MDGA2: variants seen among roughly 807,000 people sequenced by gnomAD.
The protein encoded by MDGA2 is MAM domain containing glycosylphosphatidylinositol anchor 2.
MDGA2 carries 40 observed loss-of-function variants against 117.8 expected under a neutral mutation model. That is an observed-to-expected ratio of 0.34 (90% CI 0.26 to 0.44). The LOEUF is 0.44. Ranked by LOEUF, MDGA2 falls within the 20% of genes least tolerant of loss-of-function variation. MDGA2 has a pLI of 1.00. For synonymous variants in MDGA2, 452 were observed against 439.0 expected, an observed-to-expected ratio of 1.03 and a Z score of -0.37; for missense variants, 1,123 against 1,250.6, an observed-to-expected ratio of 0.90 and a Z score of 1.54.
rs766859351 is a variant in MDGA2, at chr14:46,956,370, G to A, written c.2089+1004C>T. Among the ~76,000 whole-genome samples the A allele has an allele frequency of 7.2e-5, 11 of 151,900 alleles. No individual in the cohort carries two copies. In the East Asian group the frequency reaches 7.7e-4, roughly 11 times the overall value. ...ACAGTATATAGATTATAAAAATAAC[G>A]TAAATAATTACATAAGACATAATAC... is the stretch of plus-strand genomic sequence containing the variant. On this transcript the variant is annotated intron_variant, in intron 9 of 16. Coordinates refer to ENST00000399232, the MANE Select transcript of MDGA2 (RefSeq NM_001113498.3).
At chr14:47,196,275 A>T (rs1488148489) in intron 3 of MDGA2, among the ~76,000 whole-genome samples, 2 of 152,202 alleles carry the variant, frequency 1.3e-5, no homozygotes, top group Non-Finnish European at 1.5e-5. Context: ...AACATATTAT[A>T]GGAGAGTATA....
intron 8 of MDGA2, among the ~76,000 whole-genome samples, chr14:47,020,595 G>A (rs1888253590): frequency 1.4e-5 from 1 of 73,374 alleles, no homozygotes; most frequent in Admixed American, 1.2e-4. Context: ...AGGAAAGAGA[G>A]AGAAAAACTG....
rs908498309 is a variant in MDGA2, at chr14:47,161,542, A to AAT, written c.596-17270_596-17269dup. 4.0e-5 allele frequency among the ~76,000 whole-genome samples: 6 copies of AAT among 151,810 alleles called. No individual in the cohort carries two copies. The South Asian group carries it at 6.2e-4, about 16-fold the overall frequency. On this transcript the variant is annotated intron_variant, in intron 3 of 16. Transcript: ENST00000399232. The stretch of plus-strand genomic sequence containing the variant: ...CAACTTAATGTAATTATTTTTCTAA[A>AAT]ATATATATATACATATATTTAGTCA...
intron 8 of MDGA2, among the ~76,000 whole-genome samples, chr14:46,971,721 G>A (rs1886272414): frequency 6.6e-6 from 1 of 151,872 alleles, no homozygotes; most frequent in Non-Finnish European, 1.5e-5. Context: ...TAGTTAAAGA[G>A]GTAAACAGTT....
chr14:47,379,659 C>T (rs1261844094), intron 1 of MDGA2, among the ~76,000 whole-genome samples: 4 of 152,148 alleles, frequency 2.6e-5, no homozygotes, highest in African/African-American at 7.2e-5. Context: ...ATCAATTCAA[C>T]GAGAAGAGCT....
At chr14:47,559,087 A>G (rs1299643554) in intron 1 of MDGA2, among the ~76,000 whole-genome samples, 3 of 152,196 alleles carry the variant, frequency 2.0e-5, no homozygotes, top group Admixed American at 1.3e-4. Flanking sequence ...TGAATTTTTA[A>G]TCTTTTTTTA....
chr14:46,901,377 G>T (rs191933595), intron 10 of MDGA2, among the ~76,000 whole-genome samples: 2 of 152,110 alleles, frequency 1.3e-5, no homozygotes, highest in African/African-American at 4.8e-5. Context: ...TAAAATATTG[G>T]AAAATCTAAT....
At chr14:47,528,580 C>T (rs547602127) in intron 1 of MDGA2, among the ~76,000 whole-genome samples, 2 of 152,142 alleles carry the variant, frequency 1.3e-5, no homozygotes, top group Admixed American at 6.5e-5. Flanking sequence ...AAATAATAAT[C>T]CACAAAAAGT....
At chr14:47,240,303 C>A (rs1886997929) in intron 2 of MDGA2, among the ~76,000 whole-genome samples, 1 of 151,802 alleles carries the variant, frequency 6.6e-6, no homozygotes, top group African/African-American at 2.4e-5. Context: ...CTTGGCCTCC[C>A]AAAGTGCTGG....
chr14:47,495,468 C>G (rs768853074), intron 1 of MDGA2, among the ~76,000 whole-genome samples: 1 of 152,074 alleles, frequency 6.6e-6, no homozygotes, highest in Non-Finnish European at 1.5e-5. Context: ...AGAAATCATG[C>G]TGCTTTTACT....
At chr14:47,094,060 TTTC>T (rs749659351) in intron 6 of MDGA2, among the ~76,000 whole-genome samples, 11 of 152,130 alleles carry the variant, frequency 7.2e-5, no homozygotes, top group Admixed American at 2.0e-4. Context: ...CTTAACTGAA[TTTC>T]TTGACTTCTG....
chr14:47,234,478 C>T (rs905668860), intron 2 of MDGA2, among the ~76,000 whole-genome samples: 24 of 151,892 alleles, frequency 1.6e-4, no homozygotes, highest in Non-Finnish European at 2.9e-4. Flanking sequence ...CTCAGTATTC[C>T]GAATGCACAT....
intron 9 of MDGA2, among the ~76,000 whole-genome samples, chr14:46,941,940 CTG>C (rs1416401962): frequency 6.6e-6 from 1 of 152,178 alleles, no homozygotes. Context: ...ACTGATATCT[CTG>C]TCTTTCCATT....
intron 1 of MDGA2, among the ~76,000 whole-genome samples, chr14:47,358,599 A>C (rs996339726): frequency 6.6e-6 from 1 of 152,242 alleles, no homozygotes; most frequent in Non-Finnish European, 1.5e-5. Context: ...GAATGAATTA[A>C]TGAGTTCAGT....
At chr14:47,662,322 T>A (rs1897865579) in intron 1 of MDGA2, among the ~76,000 whole-genome samples, 1 of 152,122 alleles carries the variant, frequency 6.6e-6, no homozygotes, top group Admixed American at 6.5e-5. Flanking sequence ...ATGTAATATG[T>A]ATTTTTTATA....
intron 14 of MDGA2, chr14:46,871,297 A>T (rs190997980): frequency 6.6e-6 from 1 of 152,026 alleles, no homozygotes; most frequent in Admixed American, 6.6e-5. Flanking sequence ...TCACACCACT[A>T]CTAAGTAACT....
intron 1 of MDGA2, among the ~76,000 whole-genome samples, chr14:47,653,830 A>G (rs1370827051): frequency 6.6e-6 from 1 of 152,126 alleles, no homozygotes. Context: ...AGCTTTGGAG[A>G]TGGAACAAAC....
intron 1 of MDGA2, among the ~76,000 whole-genome samples, chr14:47,376,088 A>AT (rs1218555179): frequency 6.6e-6 from 1 of 152,130 alleles, no homozygotes; most frequent in Non-Finnish European, 1.5e-5. Flanking sequence ...ATTTTGTAGC[A>AT]TATTCCTTTA....
intron 5 of MDGA2, among the ~76,000 whole-genome samples, chr14:47,103,043 T>C (rs1372735824): frequency 2.0e-5 from 3 of 152,082 alleles, no homozygotes; most frequent in Non-Finnish European, 2.9e-5. Flanking sequence ...AATCAAGATA[T>C]GGGTGAAAAA....
Sources: gnomAD v4.1 joint callset for allele counts (sites outside exome capture counted in the v4.1 genomes callset) on GRCh38, gnomAD v4.1.1 for gene constraint, MANE v1.5 for transcripts, NCBI Gene and HGNC (gene_info 2026-07-23, HGNC 2026-07-21) for gene names.